ADAM10: variants seen among roughly 807,000 people sequenced by gnomAD.
The protein encoded by ADAM10 is disintegrin and metalloproteinase domain-containing protein 10.
A neutral mutation model predicts 90.1 loss-of-function variants in ADAM10; 17 were observed. That is an observed-to-expected ratio of 0.19 (90% CI 0.13 to 0.28). The LOEUF (loss-of-function observed/expected upper bound fraction) is 0.28. Among genes scored for constraint, ADAM10 ranks in the 10% least tolerant of loss-of-function variants. ADAM10 has a pLI of 1.00. For synonymous variants in ADAM10, 310 were observed against 298.6 expected, an observed-to-expected ratio of 1.04 and a Z score of -0.40; for missense variants, 610 against 914.3, an observed-to-expected ratio of 0.67 and a Z score of 4.29.
rs779017607 is a variant in ADAM10 at position 58,727,176 on chromosome 15, CTTTT to C, written c.56-9453_56-9450del. On this transcript the variant is annotated intron_variant, in intron 1 of 15. Transcript: ENST00000260408. ...CACCACCATGCCATGCCTGACTAATCTTTTTTTTTTTTTTTTTTTTTTTTTTTTT... is the reference window on the plus strand; with the variant it reads ...CACCACCATGCCATGCCTGACTAATCTTTTTTTTTTTTTTTTTTTTTTTTT... Among the ~76,000 whole-genome samples, 544 of 77,974 alleles carry C rather than the reference CTTTT, an allele frequency of 7.0e-3. 10 individuals are homozygous for C. Among genetic ancestry groups the C allele is most frequent in the African/African-American group, 0.028 (520 of 18,434 alleles). 51.2% of individuals were successfully genotyped at this position (77,974 alleles called of 152,430 possible). A position where few individuals can be genotyped will look rare whatever the true frequency, so the allele number is the denominator to read the frequency against.
At chr15:58,700,642 A>ACC (rs1318507818) in intron 2 of ADAM10, among the ~76,000 whole-genome samples, 1 of 152,216 alleles carries the variant, frequency 6.6e-6, no homozygotes, top group Non-Finnish European at 1.5e-5. Flanking sequence ...AAGATTTCAA[A>ACC]TAAACAATAT....
rs139231794 is a variant in ADAM10, at chr15:58,687,462, G to A, written c.207-5148C>T. Among the ~76,000 whole-genome samples, 3 of 151,956 alleles carry A rather than the reference G, an allele frequency of 2.0e-5. No individual in the cohort carries two copies. The East Asian group carries it at 5.8e-4, about 29-fold the overall frequency. On this transcript the variant is annotated intron_variant, in intron 2 of 15. Transcript: ENST00000260408. ...TAAAAGAATTCTTAACTTCACAAGG[G>A]TTTTACTTTGATGATGTGAATCTGA... is the stretch of plus-strand genomic sequence containing the variant.
rs572969661 is a variant in ADAM10, at chr15:58,611,530, A to G, written c.1695+278T>C. 2.7e-4 allele frequency: 99 copies of G among 365,304 alleles called. No individual in the cohort carries two copies. In the South Asian group the frequency reaches 3.7e-3, roughly 14 times the overall value. The allele number at this position is 365,304 out of a possible 1,614,324, so 22.6% of individuals were successfully genotyped here. On this transcript the variant is annotated intron_variant, in intron 12 of 15. Coordinates refer to ENST00000260408, the MANE Select transcript of ADAM10 (RefSeq NM_001110.4). ...GAGTTCTTTTATTTAGGCTACTGAA[A>G]TATTATTTTATAAAACTTAAATATT...
intron 6 of ADAM10, among the ~76,000 whole-genome samples, chr15:58,645,260 T>C (rs1383604266): frequency 6.6e-6 from 1 of 152,240 alleles, no homozygotes; most frequent in Non-Finnish European, 1.5e-5. Flanking sequence ...TCTTGAAATT[T>C]ATTTGTTCCT....
chr15:58,669,632 C>T (rs1040899040), intron 4 of ADAM10, among the ~76,000 whole-genome samples: 2 of 152,056 alleles, frequency 1.3e-5, no homozygotes, highest in Non-Finnish European at 2.9e-5. Flanking sequence ...TATTTCATCC[C>T]CTTGCCTCTT....
At chr15:58,682,670 T>C (rs1489899911) in intron 2 of ADAM10, among the ~76,000 whole-genome samples, 1 of 152,162 alleles carries the variant, frequency 6.6e-6, no homozygotes, top group Admixed American at 6.5e-5. Flanking sequence ...GCCTGTCTTC[T>C]CTCTCTAGTA....
intron 2 of ADAM10, chr15:58,703,838 AAGCCTCCTGTAC>A (rs1464831824): frequency 6.5e-6 from 1 of 152,788 alleles, no homozygotes; most frequent in Non-Finnish European, 1.5e-5. Context: ...CTCCCCAGCC[AAGCCTCCTGTAC>A]AGCCTGCAGA....
intron 7 of ADAM10, among the ~76,000 whole-genome samples, chr15:58,641,524 G>A (rs1443112391): frequency 6.6e-6 from 1 of 152,050 alleles, no homozygotes; most frequent in African/African-American, 2.4e-5. Flanking sequence ...TTTCCTGAAT[G>A]TGGGCAAGAA....
chr15:58,666,512 C>T (rs1359711407), intron 4 of ADAM10, among the ~76,000 whole-genome samples: 2 of 151,860 alleles, frequency 1.3e-5, no homozygotes, highest in East Asian at 2.0e-4. Flanking sequence ...CTTTGCCACA[C>T]CAGTAAGTGC....
At chr15:58,682,375 T>C (rs1897465598) in intron 2 of ADAM10, 61 bp from the exon 3 acceptor site, 2 of 1,566,234 alleles carry the variant, frequency 1.3e-6, no homozygotes, top group African/African-American at 1.4e-5. Context: ...TTTTAAACAA[T>C]TATTTTTTAT....
intron 14 of ADAM10, among the ~76,000 whole-genome samples, chr15:58,600,206 A>T (rs1895071270): frequency 6.6e-6 from 1 of 152,176 alleles, no homozygotes; most frequent in Non-Finnish European, 1.5e-5. Context: ...GTGCAAACCC[A>T]ATCATCACAC....
At chr15:58,737,464 A>G (rs1209539825) in intron 1 of ADAM10, among the ~76,000 whole-genome samples, 2 of 152,182 alleles carry the variant, frequency 1.3e-5, no homozygotes, top group African/African-American at 2.4e-5. Context: ...ATTAGCCTAC[A>G]TGTAAAGGCA....
At chr15:58,663,770 C>A (rs1285010716) in intron 5 of ADAM10, among the ~76,000 whole-genome samples, 1 of 151,612 alleles carries the variant, frequency 6.6e-6, no homozygotes, top group Non-Finnish European at 1.5e-5. Flanking sequence ...TCTTATAATT[C>A]TTTGTTACAT....
At position 58,647,248 on chromosome 15, in the gene ADAM10, ATTTTTTTTTTTTTT is replaced by A. The variant is rs67378373; in HGVS notation, c.586-1058_586-1045del. Among the ~76,000 whole-genome samples the A allele has an allele frequency of 1.3e-3, 78 of 59,602 alleles. 1 individual carries two copies. Among genetic ancestry groups the A allele is most frequent in the Middle Eastern group, 0.018 (1 of 56 alleles). The allele number at this position is 59,602 out of a possible 152,430, so 39.1% of individuals were successfully genotyped here. On this transcript the variant is annotated intron_variant, in intron 5 of 15. Transcript: ENST00000260408. ...TGGCAGCAAAGAGTAGACACTAAGTATTTTTTTTTTTTTTTTTTTTTTTTTTTTTTGAGACAGAG... is the reference window on the plus strand; with the variant it reads ...TGGCAGCAAAGAGTAGACACTAAGTATTTTTTTTTTTTTTTTGAGACAGAG...
intron 1 of ADAM10, among the ~76,000 whole-genome samples, chr15:58,726,824 G>C (rs149254062): frequency 1.3e-5 from 2 of 149,460 alleles, no homozygotes; most frequent in Admixed American, 6.7e-5. Context: ...GATCACATTT[G>C]TGAACGGCCA....
intron 1 of ADAM10, among the ~76,000 whole-genome samples, chr15:58,724,926 C>T (rs1334002560): frequency 6.6e-6 from 1 of 152,094 alleles, no homozygotes; most frequent in Non-Finnish European, 1.5e-5. Flanking sequence ...CACGGTGGTT[C>T]ATACCTATAA....
chr15:58,736,640 T>C (rs1434391732), intron 1 of ADAM10, among the ~76,000 whole-genome samples: 1 of 151,938 alleles, frequency 6.6e-6, no homozygotes, highest in East Asian at 1.9e-4. Flanking sequence ...AGAGTAAATG[T>C]GGTAAAGGTA....
At chr15:58,734,007 A>G (rs948377365) in intron 1 of ADAM10, among the ~76,000 whole-genome samples, 5 of 151,886 alleles carry the variant, frequency 3.3e-5, no homozygotes, top group Admixed American at 1.3e-4. Context: ...TCTGGCTAAC[A>G]AACATTTTTA....
chr15:58,610,199 TA>T (rs758925233), intron 14 of ADAM10, 97 bp downstream of exon 14: 1 of 927,290 alleles, frequency 1.1e-6, no homozygotes, highest in African/African-American at 1.6e-5. Flanking sequence ...CTAATATAAA[TA>T]GTTAAGTTGT....
Sources: gnomAD v4.1 joint callset for allele counts (sites outside exome capture counted in the v4.1 genomes callset) on GRCh38, gnomAD v4.1.1 for gene constraint, MANE v1.5 for transcripts, NCBI Gene and HGNC (gene_info 2026-07-23, HGNC 2026-07-21) for gene names.